The following CHRDL1 variants were observed in gnomAD, a reference collection of about 807,000 sequenced individuals.
CHRDL1 encodes chordin-like protein 1.
CHRDL1 carries 19 observed loss-of-function variants against 40.9 expected under a neutral mutation model. The observed-to-expected ratio is 0.46, with a 90% confidence interval of 0.32 to 0.68. The LOEUF is 0.68. Among genes scored for constraint, CHRDL1 ranks in the 30% least tolerant of loss-of-function variants. The pLI, the probability that CHRDL1 is intolerant of heterozygous loss-of-function variation, is 0.03. For missense variants in CHRDL1, 329 were observed against 352.1 expected, an observed-to-expected ratio of 0.93 and a Z score of 0.53; for synonymous variants, 136 against 123.4, an observed-to-expected ratio of 1.10 and a Z score of -0.68.
chrX:110,753,304 A>C (rs2089393601), intron 4 of CHRDL1, among the ~76,000 whole-genome samples: 1 of 112,297 alleles, frequency 8.9e-6, no homozygotes, highest in Non-Finnish European at 1.9e-5. Context: ...AACTAGATGC[A>C]AAAGGCCACA....
intron 2 of CHRDL1, among the ~76,000 whole-genome samples, chrX:110,785,035 C>T (rs1259084724): frequency 8.9e-6 from 1 of 111,916 alleles, no homozygotes; most frequent in African/African-American, 3.2e-5. Flanking sequence ...AATAAAAATG[C>T]CTGTTCAAAA....
At chrX:110,720,069 C>T (rs2070920894) in intron 5 of CHRDL1, 141 bp from the exon 6 acceptor site, 1 of 390,430 alleles carries the variant, frequency 2.6e-6, no homozygotes, top group East Asian at 4.1e-5. Context: ...TCGGTACTTC[C>T]TACATTTTAT....
chrX:110,765,111 T>C lies in CHRDL1; in HGVS notation c.95-2304A>G, dbSNP rs183350264. ...GTCCTGTTTCCTCAGAAGCATGTGA[T>C]CTTTGTTCTCTTTTTTGTCCTTTGA... On this transcript the variant is annotated intron_variant, in intron 2 of 11. Transcript: ENST00000372042. 2.3e-3 allele frequency among the ~76,000 whole-genome samples: 253 copies of C among 111,312 alleles called. 1 individual carries two copies. Among genetic ancestry groups the C allele is most frequent in the African/African-American group, 7.5e-3 (230 of 30,566 alleles).
intron 4 of CHRDL1, among the ~76,000 whole-genome samples, chrX:110,756,009 T>C (rs1293808213): frequency 8.9e-6 from 1 of 111,964 alleles, no homozygotes; most frequent in African/African-American, 3.2e-5. Context: ...GTGTTCAAAG[T>C]TCTTCCTTTT....
intron 6 of CHRDL1, among the ~76,000 whole-genome samples, chrX:110,713,940 G>A (rs955814460): frequency 4.5e-5 from 5 of 111,233 alleles, no homozygotes; most frequent in African/African-American, 9.8e-5. Flanking sequence ...GATGAGCAGG[G>A]GACAGGAAGT....
intron 4 of CHRDL1, among the ~76,000 whole-genome samples, chrX:110,759,026 A>G (rs376834975): frequency 1.8e-5 from 2 of 112,064 alleles, no homozygotes; most frequent in African/African-American, 6.5e-5. Context: ...AGACATGAAC[A>G]AAGTGTCATT....
In CHRDL1 at chrX:110,700,653, C is replaced by G. The variant is rs111533723; in HGVS notation, c.609+1G>C. 1 of 1,161,722 alleles carries G rather than the reference C, an allele frequency of 8.6e-7. No homozygotes were observed. Among genetic ancestry groups the G allele is most frequent in the Admixed American group, 2.2e-5 (1 of 45,946 alleles). On this transcript the variant is annotated splice_donor_variant, in intron 7 of 11. Coordinates refer to ENST00000372042, the MANE Select transcript of CHRDL1 (RefSeq NM_001143981.2). LOFTEE classifies it high-confidence loss of function. ...GAATTATTTGAGCTATTCACACTTA[C>G]TGCTTCTCTGTTGGCAGGTTGCCGG...
intron 8 of CHRDL1, among the ~76,000 whole-genome samples, chrX:110,692,703 G>A (rs1420328425): frequency 8.9e-6 from 1 of 112,218 alleles, no homozygotes; most frequent in African/African-American, 3.2e-5. Flanking sequence ...ATCAAACACA[G>A]ATCGATAGTA....
intron 4 of CHRDL1, among the ~76,000 whole-genome samples, chrX:110,723,733 A>C (rs1264995530): frequency 8.9e-6 from 1 of 112,419 alleles, no homozygotes; most frequent in Non-Finnish European, 1.9e-5. Flanking sequence ...TAAAATACCC[A>C]GAAAACAGAC....
chrX:110,730,373 C>T (rs896340737), intron 4 of CHRDL1, among the ~76,000 whole-genome samples: 1 of 110,534 alleles, frequency 9.0e-6, no homozygotes, highest in African/African-American at 3.3e-5. Context: ...GTGGGAAGAC[C>T]GTCAGGTGTG....
At chrX:110,758,278 G>A (rs2089494986) in intron 4 of CHRDL1, among the ~76,000 whole-genome samples, 1 of 79,794 alleles carries the variant, frequency 1.3e-5, no homozygotes, top group Admixed American at 2.0e-4. Flanking sequence ...TACAGAAACA[G>A]TAAGCCTGGC....
chrX:110,681,774 AT>A, intron 9 of CHRDL1, 125 bp from the exon 10 acceptor site: 1 of 516,922 alleles, frequency 1.9e-6, no homozygotes, highest in Non-Finnish European at 3.2e-6. Context: ...TAACAAGAAC[AT>A]TCTTCGAGAG....
At chrX:110,701,471 A>G (rs2070512314) in intron 6 of CHRDL1, among the ~76,000 whole-genome samples, 1 of 111,837 alleles carries the variant, frequency 8.9e-6, no homozygotes, top group Non-Finnish European at 1.9e-5. Context: ...AAACACAAAA[A>G]AGTGTAAGTA....
chrX:110,710,092 A>G (rs1041029268), intron 6 of CHRDL1, among the ~76,000 whole-genome samples: 27 of 112,357 alleles, frequency 2.4e-4, no homozygotes. Context: ...GAGAAACTCA[A>G]TGACCTACCC....
At chrX:110,793,555 T>C (rs1046642422) in intron 1 of CHRDL1, among the ~76,000 whole-genome samples, 3 of 112,009 alleles carry the variant, frequency 2.7e-5, no homozygotes, top group Non-Finnish European at 5.6e-5. Context: ...AGAATGTTAC[T>C]GTCCCTTGAG....
At chrX:110,689,580 CTATAT>C (rs2070143247) in intron 8 of CHRDL1, among the ~76,000 whole-genome samples, 1 of 5,917 alleles carries the variant, frequency 1.7e-4, no homozygotes, top group East Asian at 2.5e-3. Flanking sequence ...ATCTATATAT[CTATAT>C]ATCTATATAT....
intron 2 of CHRDL1, among the ~76,000 whole-genome samples, chrX:110,765,319 G>A (rs1332532145): frequency 8.9e-6 from 1 of 111,900 alleles, no homozygotes; most frequent in Non-Finnish European, 1.9e-5. Flanking sequence ...TTCTTAGCCG[G>A]TTGACATTTA....
At chrX:110,687,012 T>A (rs1380165462) in intron 9 of CHRDL1, among the ~76,000 whole-genome samples, 1 of 111,209 alleles carries the variant, frequency 9.0e-6, no homozygotes, top group African/African-American at 3.3e-5. Context: ...GTCCTTCCTG[T>A]CCACACGCTG....
chrX:110,676,473 G>A, intron 11 of CHRDL1, 112 bp from the exon 12 acceptor site: 2 of 675,085 alleles, frequency 3.0e-6, no homozygotes, highest in East Asian at 3.7e-5. Flanking sequence ...GGACCTACCA[G>A]GGAATTTGGA....
Sources: allele counts gnomAD v4.1 joint callset (sites outside exome capture counted in the v4.1 genomes callset), GRCh38; gene constraint gnomAD v4.1.1; transcripts MANE v1.5; gene names NCBI Gene and HGNC (gene_info 2026-07-23, HGNC 2026-07-21).